CCDC6: variants seen among roughly 807,000 people sequenced by gnomAD.
The protein encoded by CCDC6 is coiled-coil domain-containing protein 6.
A neutral mutation model predicts 56.6 loss-of-function variants in CCDC6; 20 were observed. That is an observed-to-expected ratio of 0.35 (90% confidence interval 0.25 to 0.51). The LOEUF (loss-of-function observed/expected upper bound fraction) is 0.51, where lower values mean the gene tolerates loss of function less well. Among genes scored for constraint, CCDC6 ranks in the 20% least tolerant of loss-of-function variants. The probability of loss-of-function intolerance (pLI) is 0.95; values close to 1 mark genes in which losing one functional copy is unlikely to be tolerated. For missense variants in CCDC6, 367 were observed against 601.1 expected, an observed-to-expected ratio of 0.61 and a Z score of 4.07; for synonymous variants, 241 against 234.4, an observed-to-expected ratio of 1.03 and a Z score of -0.26.
chr10:59,892,488 C>T (rs929465081), intron 1 of CCDC6, among the ~76,000 whole-genome samples: 12 of 152,142 alleles, frequency 7.9e-5, no homozygotes, highest in African/African-American at 2.4e-4. Context: ...CCCCAACCTG[C>T]GGTGCACAGG....
chr10:59,867,668 C>G (rs1273380449), intron 1 of CCDC6, among the ~76,000 whole-genome samples: 1 of 152,186 alleles, frequency 6.6e-6, no homozygotes, highest in Non-Finnish European at 1.5e-5. Flanking sequence ...ATTTTCCCAC[C>G]TCCGCCTCCG....
intron 3 of CCDC6, among the ~76,000 whole-genome samples, chr10:59,819,363 T>C (rs979321141): frequency 6.6e-6 from 1 of 152,278 alleles, no homozygotes; most frequent in Non-Finnish European, 1.5e-5. Context: ...GTTTTAAAAA[T>C]CTCAACTTTT....
Position 59,792,186 on chromosome 10 carries a change from TTAA to T in CCDC6, c.*728_*730del. On this transcript the variant is annotated 3_prime_UTR_variant, in exon 9 of 9. Transcript: ENST00000263102. Reference sequence around the variant, plus strand: ...TCGACTCATGTTAGAGGGGGCCAGGTTAAGTAGATTAACATTAAGGATAAAAAA... The same window carrying T: ...TCGACTCATGTTAGAGGGGGCCAGGTGTAGATTAACATTAAGGATAAAAAA... The T allele has an allele frequency of 1.2e-5, 3 of 249,156 alleles. No homozygotes were observed. The highest frequency in any genetic ancestry group is 1.2e-4 in the South Asian group (1 of 8,600). The allele number at this position is 249,156 out of a possible 1,614,324, so 15.4% of individuals were successfully genotyped here. A position where few individuals can be genotyped will look rare whatever the true frequency, so the allele number is the denominator to read the frequency against.
At chr10:59,828,597 A>C (rs2070808629) in intron 3 of CCDC6, among the ~76,000 whole-genome samples, 1 of 152,190 alleles carries the variant, frequency 6.6e-6, no homozygotes, top group Non-Finnish European at 1.5e-5. Context: ...GATGAGAACC[A>C]GGGGACCACG....
chr10:59,805,704 G>T (rs2070616015), intron 6 of CCDC6: 1 of 152,148 alleles, frequency 6.6e-6, no homozygotes, highest in Non-Finnish European at 1.5e-5. Flanking sequence ...AAAGTTTTGA[G>T]AAAGAATAAT....
chr10:59,804,058 C>T (rs935204465), intron 7 of CCDC6, among the ~76,000 whole-genome samples: 1 of 151,954 alleles, frequency 6.6e-6, no homozygotes, highest in African/African-American at 2.4e-5. Flanking sequence ...GTAAAAGAAC[C>T]CATAAAAGGT....
At chr10:59,841,566 C>T (rs1490968076) in intron 2 of CCDC6, among the ~76,000 whole-genome samples, 1 of 152,220 alleles carries the variant, frequency 6.6e-6, no homozygotes, top group Non-Finnish European at 1.5e-5. Context: ...ATTAGTTCCT[C>T]CTTTCAATCC....
intron 2 of CCDC6, among the ~76,000 whole-genome samples, chr10:59,837,549 G>A (rs186367147): frequency 1.3e-5 from 2 of 152,208 alleles, no homozygotes; most frequent in African/African-American, 4.8e-5. Context: ...TTTGAGTCCA[G>A]CCTGGCTAAC....
In CCDC6 at chr10:59,789,676, A is replaced by T. The variant is rs1457312976; in HGVS notation, c.*3241T>A. The T allele has an allele frequency of 4.5e-6, 1 of 223,142 alleles. No individual in the cohort carries two copies. The highest frequency in any genetic ancestry group is 2.2e-5 in the African/African-American group (1 of 44,802). 13.8% of individuals were successfully genotyped at this position (223,142 alleles called of 1,614,324 possible). ...ACCTATAAGACAAGTACTAGACAGA[A>T]GATCAAGTTACACAGAAATATTTCT... is the stretch of plus-strand genomic sequence containing the variant. On this transcript the variant is annotated 3_prime_UTR_variant, in exon 9 of 9. Transcript: ENST00000263102.
chr10:59,884,126 A>AGCC (rs1168602561), intron 1 of CCDC6, among the ~76,000 whole-genome samples: 5 of 152,218 alleles, frequency 3.3e-5, no homozygotes, highest in African/African-American at 1.2e-4. Flanking sequence ...CTTACTTCTA[A>AGCC]GCCAATTAAG....
Position 59,836,691 on chromosome 10 carries a change from A to G in CCDC6, c.454-4038T>C, listed in dbSNP as rs75696233. On this transcript the variant is annotated intron_variant, in intron 2 of 8. Coordinates refer to ENST00000263102, the MANE Select transcript of CCDC6 (RefSeq NM_005436.5). ...TTCAACAAATACATTTTTTATATAAAGTCAATCTCAAAGATTATGGAACAG... is the reference window on the plus strand; with the variant it reads ...TTCAACAAATACATTTTTTATATAAGGTCAATCTCAAAGATTATGGAACAG... Among the ~76,000 whole-genome samples, 2,156 of 152,356 alleles carry G rather than the reference A, an allele frequency of 0.014. 105 individuals carry two copies. In the East Asian group the frequency reaches 0.19, roughly 13 times the overall value.
chr10:59,874,963 T>G (rs890203161), intron 1 of CCDC6, among the ~76,000 whole-genome samples: 1 of 152,244 alleles, frequency 6.6e-6, no homozygotes, highest in Non-Finnish European at 1.5e-5. Context: ...AAATCTATGT[T>G]ACTTCAGGCC....
At chr10:59,893,356 T>G (rs1164223209) in intron 1 of CCDC6, among the ~76,000 whole-genome samples, 1 of 152,064 alleles carries the variant, frequency 6.6e-6, no homozygotes, top group Non-Finnish European at 1.5e-5. Context: ...CCCAGCACTT[T>G]GGGAAGCTGA....
intron 8 of CCDC6, among the ~76,000 whole-genome samples, chr10:59,793,612 C>T (rs1589031273): frequency 6.6e-6 from 1 of 152,154 alleles, no homozygotes; most frequent in African/African-American, 2.4e-5. Context: ...GGCAAAACCC[C>T]GTCTCTATTA....
In CCDC6 at chr10:59,906,264, A is replaced by C. The variant is rs1051505290; in HGVS notation, c.161T>G (p.Phe54Cys). 2 of 1,612,268 alleles carry C rather than the reference A, an allele frequency of 1.2e-6. No homozygotes were observed. Among genetic ancestry groups the C allele is most frequent in the Admixed American group, 1.7e-5 (1 of 60,000 alleles). ...GCGGTTGGTGAGCTCCTCCAGGCGG[A>C]ACGGCGAGATGACAATGCCCCCCGA... ...GKSGGIVISP[F>C]RLEELTNRLA... Residue 54 changes from phenylalanine to cysteine, a missense_variant, in exon 1 of 9, where the codon TTC (phenylalanine) becomes TGC (cysteine). This residue lies in a region of CCDC6 where 41 missense variants were observed against 90.8 expected (regional missense o/e 0.45). Coordinates refer to ENST00000263102, the MANE Select transcript of CCDC6 (RefSeq NM_005436.5).
intron 3 of CCDC6, among the ~76,000 whole-genome samples, chr10:59,831,265 C>G (rs1255115505): frequency 1.3e-5 from 2 of 152,214 alleles, no homozygotes; most frequent in African/African-American, 4.8e-5. Flanking sequence ...ACTGAACTTT[C>G]ATCACAGAAA....
intron 4 of CCDC6, among the ~76,000 whole-genome samples, chr10:59,813,201 T>G (rs2070687075): frequency 6.6e-6 from 1 of 152,180 alleles, no homozygotes; most frequent in Non-Finnish European, 1.5e-5. Context: ...TGATTGAAGC[T>G]TCTAAGCTAC....
chr10:59,905,763 C>T (rs955067539), intron 1 of CCDC6, among the ~76,000 whole-genome samples: 1 of 152,144 alleles, frequency 6.6e-6, no homozygotes, highest in Non-Finnish European at 1.5e-5. Context: ...CTGGACGCAC[C>T]CCTCAAACAT....
chr10:59,790,149 G>GTC lies in CCDC6; in HGVS notation c.*2767_*2768insGA, dbSNP rs1210695707. ...AGCCCAAAGAGGTGTCAGGTATTAG[G>GTC]TAAGTTAATTTGGTTTTGTATAAAA... On this transcript the variant is annotated 3_prime_UTR_variant, in exon 9 of 9. Coordinates refer to ENST00000263102, the MANE Select transcript of CCDC6 (RefSeq NM_005436.5). 1 of 215,716 alleles carries GTC rather than the reference G, an allele frequency of 4.6e-6. No individual in the cohort carries two copies. The highest frequency in any genetic ancestry group is 9.4e-6 in the Non-Finnish European group (1 of 106,836). 13.4% of individuals were successfully genotyped at this position (215,716 alleles called of 1,614,324 possible).
Sources: allele counts gnomAD v4.1 joint callset (sites outside exome capture counted in the v4.1 genomes callset), GRCh38; gene constraint gnomAD v4.1.1; regional missense constraint gnomAD v4.1.1; transcripts MANE v1.5; gene names NCBI Gene and HGNC (gene_info 2026-07-23, HGNC 2026-07-21).